ARL15: variants seen among roughly 807,000 people sequenced by gnomAD.
ARL15 encodes the protein ARF like GTPase 15, also known as ADP-ribosylation factor-like protein 15.
In ARL15, 19 loss-of-function variants were observed where a neutral mutation model predicts 25.2. That is an observed-to-expected ratio of 0.75 (90% CI 0.53 to 1.10). The LOEUF is 1.10. Among genes scored for constraint, ARL15 ranks in the 50% least tolerant of loss-of-function variants. The pLI, the probability that ARL15 is intolerant of heterozygous loss-of-function variation, is 0.00. For synonymous variants in ARL15, 94 were observed against 86.8 expected, an observed-to-expected ratio of 1.08 and a Z score of -0.46; for missense variants, 220 against 246.0, an observed-to-expected ratio of 0.89 and a Z score of 0.71.
chr5:54,155,855 A>G (rs2112352904), intron 2 of ARL15, among the ~76,000 whole-genome samples: 1 of 152,252 alleles, frequency 6.6e-6, no homozygotes, highest in South Asian at 2.1e-4. Flanking sequence ...CCATGTACTT[A>G]TATTTCTTTT....
At position 54,029,665 on chromosome 5, in the gene ARL15, C is replaced by T. The variant is rs1307673450; in HGVS notation, c.462+83537G>A. Among the ~76,000 whole-genome samples, 4 of 152,140 alleles carry T rather than the reference C, an allele frequency of 2.6e-5. No homozygotes were observed. The East Asian group carries it at 7.7e-4, about 29-fold the overall frequency. On this transcript the variant is annotated intron_variant, in intron 4 of 4. Coordinates refer to ENST00000504924, the MANE Select transcript of ARL15 (RefSeq NM_019087.3). ...CTTGAGGCCAGCAGTTTGAGACTAG[C>T]TTGTGTAACACAGAAAGACCCTGTC...
intron 4 of ARL15, among the ~76,000 whole-genome samples, chr5:53,903,094 C>A (rs376201484): frequency 6.6e-6 from 1 of 152,084 alleles, no homozygotes; most frequent in Non-Finnish European, 1.5e-5. Flanking sequence ...AGTGGTAATC[C>A]GTACTGAGGA....
intron 1 of ARL15, among the ~76,000 whole-genome samples, chr5:54,213,042 G>A (rs1756088446): frequency 6.6e-6 from 1 of 152,202 alleles, no homozygotes. Flanking sequence ...ATAGCATAAT[G>A]TATCCAGTTA....
chr5:53,966,755 A>G (rs1747578068), intron 4 of ARL15, among the ~76,000 whole-genome samples: 1 of 152,254 alleles, frequency 6.6e-6, no homozygotes, highest in Non-Finnish European at 1.5e-5. Context: ...AGGTGGTTTG[A>G]GAGTTTTTCC....
In ARL15 at chr5:53,960,843, A is replaced by G. The variant is rs114381910; in HGVS notation, c.463-74130T>C. On this transcript the variant is annotated intron_variant, in intron 4 of 4. Transcript: ENST00000504924. ...TCTGTGCCTTTTATACTCACATATT[A>G]AAAGATAACAGGTCACATTTCTGGA... Among the ~76,000 whole-genome samples, 757 of 152,296 alleles carry G rather than the reference A, an allele frequency of 5.0e-3. 4 individuals carry two copies. Among genetic ancestry groups the G allele is most frequent in the Middle Eastern group, 0.017 (5 of 294 alleles).
rs112771217 is a variant in ARL15, at chr5:54,265,050, C to A, written c.48+45382G>T. ...GTTCAACACTGACTGAATGAATGGACTGATCACCCTGGTTGCAGGATCTTT... is the reference window on the plus strand; with the variant it reads ...GTTCAACACTGACTGAATGAATGGAATGATCACCCTGGTTGCAGGATCTTT... On this transcript the variant is annotated intron_variant, in intron 1 of 4. Transcript: ENST00000504924. Among the ~76,000 whole-genome samples the A allele has an allele frequency of 6.3e-3, 956 of 152,080 alleles. 7 individuals are homozygous for A. Among genetic ancestry groups the A allele is most frequent in the African/African-American group, 0.022 (915 of 41,500 alleles).
intron 1 of ARL15, among the ~76,000 whole-genome samples, chr5:54,251,930 G>A (rs1464376766): frequency 6.6e-6 from 1 of 152,236 alleles, no homozygotes; most frequent in African/African-American, 2.4e-5. Context: ...CTGCCCATGG[G>A]ATTCCCATAG....
intron 3 of ARL15, among the ~76,000 whole-genome samples, chr5:54,126,029 A>AT (rs966273665): frequency 3.3e-5 from 5 of 151,946 alleles, no homozygotes; most frequent in African/African-American, 7.3e-5. Context: ...TACTGCAGAG[A>AT]TTTTTTTTAA....
intron 4 of ARL15, among the ~76,000 whole-genome samples, chr5:54,074,118 A>G (rs1751508049): frequency 1.3e-5 from 2 of 152,200 alleles, no homozygotes; most frequent in Admixed American, 6.5e-5. Context: ...ACTGTTGACT[A>G]GCATCTTTAC....
At chr5:54,012,634 C>A (rs1312556736) in intron 4 of ARL15, among the ~76,000 whole-genome samples, 1 of 151,792 alleles carries the variant, frequency 6.6e-6, no homozygotes, top group Non-Finnish European at 1.5e-5. Flanking sequence ...AAGCAATTCT[C>A]CTGCCTCAGC....
At chr5:54,179,336 T>C (rs920465066) in intron 1 of ARL15, among the ~76,000 whole-genome samples, 1 of 151,916 alleles carries the variant, frequency 6.6e-6, no homozygotes, top group Non-Finnish European at 1.5e-5. Flanking sequence ...GCATCAGAAG[T>C]GGGGTGTTCT....
intron 4 of ARL15, among the ~76,000 whole-genome samples, chr5:54,049,431 ATTATCTACAT>A (rs1408523085): frequency 6.6e-6 from 1 of 151,904 alleles, no homozygotes; most frequent in African/African-American, 2.4e-5. Context: ...TTAAATCCAT[ATTATCTACAT>A]TTATCTTAAA....
chr5:54,174,920 T>C (rs1028395038), intron 1 of ARL15, among the ~76,000 whole-genome samples: 1 of 152,192 alleles, frequency 6.6e-6, no homozygotes, highest in Non-Finnish European at 1.5e-5. Context: ...CTGGGCTGCG[T>C]TGGTCTTGTT....
intron 4 of ARL15, among the ~76,000 whole-genome samples, chr5:53,997,509 T>C (rs543752046): frequency 2.0e-5 from 3 of 152,296 alleles, no homozygotes; most frequent in African/African-American, 7.2e-5. Flanking sequence ...ACCTGATAAT[T>C]TTCAATAATG....
At chr5:54,232,415 G>A (rs964902281) in intron 1 of ARL15, among the ~76,000 whole-genome samples, 18 of 152,186 alleles carry the variant, frequency 1.2e-4, no homozygotes, top group Admixed American at 3.3e-4. Context: ...GGGAAGGAGA[G>A]ACCAGAGTAA....
At chr5:54,155,794 C>A (rs1425943633) in intron 2 of ARL15, among the ~76,000 whole-genome samples, 1 of 151,972 alleles carries the variant, frequency 6.6e-6, no homozygotes, top group Admixed American at 6.6e-5. Context: ...AACTGGGAAT[C>A]TGGAAATTTT....
intron 4 of ARL15, among the ~76,000 whole-genome samples, chr5:53,895,710 C>A (rs993930867): frequency 1.3e-5 from 2 of 152,212 alleles, no homozygotes; most frequent in African/African-American, 2.4e-5. Context: ...TCAATTTTAA[C>A]AATTACATTT....
At chr5:54,212,898 C>T (rs1756085184) in intron 1 of ARL15, among the ~76,000 whole-genome samples, 1 of 152,074 alleles carries the variant, frequency 6.6e-6, no homozygotes, top group Admixed American at 6.6e-5. Context: ...ATGACCTTAG[C>T]CAAAACACTT....
At chr5:54,279,272 C>T (rs1265685966) in intron 1 of ARL15, among the ~76,000 whole-genome samples, 2 of 151,046 alleles carry the variant, frequency 1.3e-5, no homozygotes, top group African/African-American at 4.9e-5. Context: ...TTTTCTCCTC[C>T]CTGTGTTAAT....
Sources: gnomAD v4.1 joint callset for allele counts (sites outside exome capture counted in the v4.1 genomes callset) on GRCh38, gnomAD v4.1.1 for gene constraint, MANE v1.5 for transcripts, NCBI Gene and HGNC (gene_info 2026-07-23, HGNC 2026-07-21) for gene names.